The following USP39 variants were observed in gnomAD, a reference collection of about 807,000 sequenced individuals.
USP39 encodes the protein ubiquitin specific peptidase 39.
A neutral mutation model predicts 66.4 loss-of-function variants in USP39; 38 were observed. That is an observed-to-expected ratio of 0.57 (90% CI 0.44 to 0.75). USP39 has a LOEUF of 0.75. Ranked by LOEUF, USP39 falls within the 30% of genes least tolerant of loss-of-function variation. The pLI is 0.00. For synonymous variants in USP39, 303 were observed against 274.6 expected (o/e 1.10, Z -1.02); for missense variants, 608 against 714.4 (o/e 0.85, Z 1.70).
chr2:85,639,743 G>C (rs1676086265), intron 9 of USP39: 1 of 173,996 alleles, frequency 5.7e-6, no homozygotes, highest in South Asian at 1.5e-4. Context: ...CACCACACCT[G>C]GCCCATTTTC....
chr2:85,644,118 T>C (rs908092972), intron 10 of USP39, among the ~76,000 whole-genome samples: 1 of 152,224 alleles, frequency 6.6e-6, no homozygotes, highest in African/African-American at 2.4e-5. Context: ...CATTTTAAAC[T>C]CTGTAATTTT....
chr2:85,606,394 G>A (rs1673215486), intron 1 of USP39, among the ~76,000 whole-genome samples: 1 of 152,200 alleles, frequency 6.6e-6, no homozygotes, highest in Non-Finnish European at 1.5e-5. Context: ...CAGGTCTGGT[G>A]AATAAACTGA....
intron 2 of USP39, 127 bp downstream of exon 2, chr2:85,619,416 C>A: frequency 1.1e-6 from 1 of 892,474 alleles, no homozygotes; most frequent in Non-Finnish European, 1.7e-6. Flanking sequence ...GAGAGTTGTG[C>A]TTCTTGCCAT....
intron 3 of USP39, among the ~76,000 whole-genome samples, chr2:85,622,103 A>C (rs1573401487): frequency 6.7e-6 from 1 of 149,890 alleles, no homozygotes; most frequent in Non-Finnish European, 1.5e-5. Context: ...TACAGGCGTG[A>C]GCCACCGCGC....
intron 3 of USP39, 64 bp downstream of exon 3, chr2:85,621,643 G>C (rs1674468876): frequency 2.5e-6 from 3 of 1,191,670 alleles, no homozygotes; most frequent in Non-Finnish European, 3.6e-6. Flanking sequence ...TTTTTTTAAA[G>C]AAAGTAAGCT....
At chr2:85,613,500 C>G (rs1673710252), upstream of USP39, among the ~76,000 whole-genome samples, 1 of 129,882 alleles carries the variant, frequency 7.7e-6, no homozygotes, top group South Asian at 2.3e-4. Flanking sequence ...AATCAAAAAA[C>G]AAAAAACAAA....
In USP39 at chr2:85,625,949, C is replaced by T. The variant is rs113025367; in HGVS notation, c.723+258C>T. ...GGGAGAATCGCTTGAATCCGGGAGG[C>T]AGAGGTTATAGTGACCCGAGATCGC... On this transcript the variant is annotated intron_variant, in intron 5 of 12. Coordinates refer to ENST00000323701, the MANE Select transcript of USP39 (RefSeq NM_006590.4). Among the ~76,000 whole-genome samples the T allele has an allele frequency of 0.013, 1,909 of 151,914 alleles. 42 individuals are homozygous for T. The highest frequency in any genetic ancestry group is 0.043 in the African/African-American group (1,776 of 41,400).
chr2:85,618,556 C>T (rs557154122), intron 1 of USP39, among the ~76,000 whole-genome samples: 242 of 142,656 alleles, frequency 1.7e-3, no homozygotes, highest in Non-Finnish European at 2.9e-3. Flanking sequence ...AGCGAGACTC[C>T]GTCTCAAAAA....
chr2:85,604,179 G>T (rs1466303850), intron 1 of USP39, among the ~76,000 whole-genome samples: 1 of 152,124 alleles, frequency 6.6e-6, no homozygotes, highest in East Asian at 1.9e-4. Flanking sequence ...TGGACCCAGT[G>T]GAAAGCAGAA....
intron 11 of USP39, among the ~76,000 whole-genome samples, chr2:85,647,268 A>G (rs1676713629): frequency 6.6e-6 from 1 of 152,126 alleles, no homozygotes; most frequent in South Asian, 2.1e-4. Flanking sequence ...GTCATTTCTG[A>G]GCAGGAAGGA....
chr2:85,618,388 C>T (rs1674170109), intron 1 of USP39, among the ~76,000 whole-genome samples: 1 of 151,660 alleles, frequency 6.6e-6, no homozygotes, highest in South Asian at 2.1e-4. Context: ...ATGGTGAAAC[C>T]CCGTCTCTTC....
intron 8 of USP39, among the ~76,000 whole-genome samples, chr2:85,638,651 G>A (rs1675986127): frequency 6.6e-6 from 1 of 151,868 alleles, no homozygotes; most frequent in South Asian, 2.1e-4. Flanking sequence ...TGATTCTCCT[G>A]CCTCAGCCTC....
intron 11 of USP39, 175 bp downstream of exon 11, chr2:85,645,258 A>T: frequency 1.3e-6 from 1 of 748,798 alleles, no homozygotes; most frequent in Non-Finnish European, 2.0e-6. Flanking sequence ...TTGGCTACAC[A>T]TTGGACTCAC....
At chr2:85,612,190 C>T (rs1218894269), upstream of USP39, 4 of 1,008,300 alleles carry the variant, frequency 4.0e-6, no homozygotes, top group Non-Finnish European at 5.7e-6. Context: ...TTGACTTCCA[C>T]CCCCCGGACG....
In USP39 at chr2:85,621,468, C is replaced by T. The variant is rs747700679; in HGVS notation, c.339-17C>T. The T allele has an allele frequency of 6.2e-7, 1 of 1,611,366 alleles. No homozygotes were observed. ...ACATGTCCATCCTATTTATTTTTTT[C>T]TGTTTTGTTTCCTTAGGAGTGTGCT... On this transcript the variant is annotated splice_polypyrimidine_tract_variant and intron_variant, in intron 2 of 12. Transcript: ENST00000323701.
chr2:85,646,387 A>T (rs1015530957), intron 11 of USP39, among the ~76,000 whole-genome samples: 18 of 152,246 alleles, frequency 1.2e-4, no homozygotes, highest in African/African-American at 4.3e-4. Flanking sequence ...TACTTAATGT[A>T]CATTAATCTC....
At chr2:85,617,434 C>T (rs933838247) in intron 1 of USP39, among the ~76,000 whole-genome samples, 13 of 152,222 alleles carry the variant, frequency 8.5e-5, no homozygotes, top group African/African-American at 3.1e-4. Flanking sequence ...CATTGCCTGA[C>T]TGCCTTTTCT....
chr2:85,639,095 T>G (rs1676023822), intron 8 of USP39, 108 bp from the exon 9 acceptor site: 1 of 1,193,458 alleles, frequency 8.4e-7, no homozygotes, highest in Admixed American at 2.8e-5. Flanking sequence ...GGCACTTCTC[T>G]TTGTTCTTTC....
intron 12 of USP39, 90 bp downstream of exon 12, chr2:85,648,106 T>C: frequency 2.8e-6 from 4 of 1,427,898 alleles, no homozygotes; most frequent in Non-Finnish European, 2.9e-6. Context: ...GGGATAGAGT[T>C]AGGACCTTGG....
Sources: gnomAD v4.1 joint callset for allele counts (sites outside exome capture counted in the v4.1 genomes callset) on GRCh38, gnomAD v4.1.1 for gene constraint, MANE v1.5 for transcripts, NCBI Gene and HGNC (gene_info 2026-07-23, HGNC 2026-07-21) for gene names.